Variants in BPIFC observed in about 807,000 individuals in gnomAD.
BPIFC encodes the protein BPI fold containing family C.
BPIFC carries 60 observed loss-of-function variants against 57.6 expected under a neutral mutation model. The observed-to-expected ratio is 1.04, with a 90% confidence interval of 0.85 to 1.29. The LOEUF is 1.29. Among genes scored for constraint, BPIFC ranks in the 50% most tolerant of loss-of-function variants. The pLI, the probability that BPIFC is intolerant of heterozygous loss-of-function variation, is 0.00. For synonymous variants in BPIFC, 243 were observed against 224.5 expected (o/e 1.08, Z -0.74); for missense variants, 581 against 600.5 (o/e 0.97, Z 0.34).
intron 13 of BPIFC, among the ~76,000 whole-genome samples, chr22:32,421,909 T>C (rs1013647898): frequency 6.6e-6 from 1 of 152,174 alleles, no homozygotes; most frequent in Non-Finnish European, 1.5e-5. Context: ...TAGGAAGGTT[T>C]CCAGGGGAGG....
At chr22:32,453,639 G>A (rs1357000559) in intron 3 of BPIFC, 136 bp from the exon 4 acceptor site, 2 of 1,141,458 alleles carry the variant, frequency 1.8e-6, no homozygotes, top group Non-Finnish European at 2.3e-6. Flanking sequence ...CACAAAGTGG[G>A]TATTATTGTC....
intron 15 of BPIFC, 63 bp from the exon 16 acceptor site, chr22:32,416,054 T>C: frequency 2.7e-6 from 3 of 1,108,552 alleles, no homozygotes; most frequent in Non-Finnish European, 3.8e-6. Flanking sequence ...GCAAGCTTTT[T>C]AGTAAGAGAC....
chr22:32,426,418 G>C (rs1299246822), intron 13 of BPIFC, among the ~76,000 whole-genome samples: 2 of 152,154 alleles, frequency 1.3e-5, no homozygotes, highest in Non-Finnish European at 2.9e-5. Context: ...CACAGCCTTG[G>C]CTCCTCTGCA....
intron 12 of BPIFC, among the ~76,000 whole-genome samples, chr22:32,431,665 T>A (rs1212279451): frequency 6.6e-6 from 1 of 152,090 alleles, no homozygotes; most frequent in African/African-American, 2.4e-5. Context: ...CTTCTTTATG[T>A]ATGTGTGTGT....
chr22:32,441,466 T>G (rs938141562), intron 8 of BPIFC, among the ~76,000 whole-genome samples: 1 of 152,172 alleles, frequency 6.6e-6, no homozygotes, highest in Middle Eastern at 3.2e-3. Flanking sequence ...CCAAGAACAG[T>G]GCTCAGGCTA....
chr22:32,435,713 GGA>G lies in BPIFC; in HGVS notation c.913_914del (p.Ser305HisfsTer71), dbSNP rs1359253888. On this transcript the variant is annotated frameshift_variant, in exon 10 of 17. Coordinates refer to ENST00000300399, the MANE Select transcript of BPIFC (RefSeq NM_174932.3). LOFTEE classifies it high-confidence loss of function. ...FTAGVFNVTL[S>X]TEEISNHFVQ... is the part of the protein sequence containing the mutation. ...AGTTAACTCTCCTCACCTCTTCGGT[GGA>G]GAGAGTGACATTGAAAACCCCAGCT... 1.9e-6 allele frequency: 3 copies of G among 1,613,762 alleles called. No homozygotes were observed. Among genetic ancestry groups the G allele is most frequent in the Non-Finnish European group, 2.5e-6 (3 of 1,179,856 alleles).
At chr22:32,450,093 TACACACACACACAC>T (rs59948938) in intron 4 of BPIFC, among the ~76,000 whole-genome samples, 18,940 of 145,534 alleles carry the variant, frequency 0.13, 1,612 homozygotes, top group Non-Finnish European at 0.19. Flanking sequence ...TCAAAGAGCA[TACACACACACACAC>T]ACACACACAC....
At chr22:32,461,832 A>G (rs1296048985) in intron 1 of BPIFC, among the ~76,000 whole-genome samples, 171 bp from the exon 2 acceptor site, 1 of 152,236 alleles carries the variant, frequency 6.6e-6, no homozygotes, top group East Asian at 1.9e-4. Context: ...AAAATTGTAA[A>G]TGGATGTGTT....
At chr22:32,428,854 G>A (rs1448917026) in intron 13 of BPIFC, among the ~76,000 whole-genome samples, 2 of 151,806 alleles carry the variant, frequency 1.3e-5, no homozygotes, top group Admixed American at 6.6e-5. Flanking sequence ...AGCCGAGATC[G>A]CACCCCTGCA....
chr22:32,434,957 C>T lies in BPIFC; in HGVS notation c.924+747G>A, dbSNP rs112267958. Among the ~76,000 whole-genome samples, 6 of 150,374 alleles carry T rather than the reference C, an allele frequency of 4.0e-5. 1 individual carries two copies. Among genetic ancestry groups the T allele is most frequent in the African/African-American group, 1.2e-4 (5 of 40,854 alleles). ...GTAGATAAACCAGCTGTAATTACAA[C>T]CAGGATAACTTTACGTCAGCATAAT... On this transcript the variant is annotated intron_variant, in intron 10 of 16. Transcript: ENST00000300399.
chr22:32,415,967 A>G lies in BPIFC; in HGVS notation c.1349T>C (p.Leu450Pro), dbSNP rs1030861095. ...ANAKLQQGFPLSNPHKFLFVN... is the reference protein window; with the variant it reads ...ANAKLQQGFPPSNPHKFLFVN... Reference sequence around the variant, plus strand: ...GAATAAGAATTTGTGTGGATTGGACAGAGGAAATCCTTGCTGCAATTTTGC... The same window carrying G: ...GAATAAGAATTTGTGTGGATTGGACGGAGGAAATCCTTGCTGCAATTTTGC... Residue 450 changes from leucine (L) to proline (P), a missense_variant, in exon 16 of 17, where the codon CTG (leucine) becomes CCG (proline). Transcript: ENST00000300399. The G allele has an allele frequency of 1.9e-6, 3 of 1,587,618 alleles. No homozygotes were observed. Among genetic ancestry groups the G allele is most frequent in the Non-Finnish European group, 2.6e-6 (3 of 1,169,630 alleles).
At chr22:32,462,756 A>T (rs1427884012) in intron 1 of BPIFC, among the ~76,000 whole-genome samples, 1 of 152,218 alleles carries the variant, frequency 6.6e-6, no homozygotes, top group Non-Finnish European at 1.5e-5. Context: ...ATGACTCGAT[A>T]CATGCTAGGG....
At chr22:32,422,313 A>G (rs1298070232) in intron 13 of BPIFC, among the ~76,000 whole-genome samples, 3 of 152,172 alleles carry the variant, frequency 2.0e-5, no homozygotes, top group Admixed American at 6.5e-5. Context: ...AGGGATGGAG[A>G]GAAGTCGTTT....
At chr22:32,424,820 C>A (rs1464517288) in intron 13 of BPIFC, among the ~76,000 whole-genome samples, 1 of 145,814 alleles carries the variant, frequency 6.9e-6, no homozygotes, top group African/African-American at 2.6e-5. Flanking sequence ...TTGCTCTTGT[C>A]GCCCAGGCTA....
In BPIFC at chr22:32,434,440, A is replaced by ATTAT. The variant is rs1050079307; in HGVS notation, c.925-672_925-669dup. Among the ~76,000 whole-genome samples, 135 of 149,206 alleles carry ATTAT rather than the reference A, an allele frequency of 9.0e-4. 2 individuals are homozygous for ATTAT. The highest frequency in any genetic ancestry group is 2.9e-3 in the African/African-American group (118 of 40,956). ...TATATATTACAATCTATGTATACAT[A>ATTAT]TTATTTATATATATTACATCTATGT... On this transcript the variant is annotated intron_variant, in intron 10 of 16. Transcript: ENST00000300399.
intron 8 of BPIFC, among the ~76,000 whole-genome samples, 169 bp from the exon 9 acceptor site, chr22:32,438,020 A>G (rs923130192): frequency 2.6e-5 from 4 of 152,238 alleles, no homozygotes; most frequent in Non-Finnish European, 5.9e-5. Context: ...GGAAAAGTAG[A>G]TAAATCAAAA....
chr22:32,457,521 TCATC>T lies in BPIFC; in HGVS notation c.1-139_1-136del, dbSNP rs879198542. Reference sequence around the variant, plus strand: ...CAATACATCCATCCAATCCATCCATTCATCCATCCATCCATCCATCCATCCAACC... The same window carrying T: ...CAATACATCCATCCAATCCATCCATTCATCCATCCATCCATCCATCCAACC... On this transcript the variant is annotated intron_variant, in intron 2 of 16. Transcript: ENST00000300399. The T allele has an allele frequency of 4.6e-4, 444 of 959,808 alleles. 3 individuals are homozygous for T. The highest frequency in any genetic ancestry group is 4.0e-3 in the Middle Eastern group (14 of 3,532). The allele number at this position is 959,808 out of a possible 1,614,324, so 59.5% of individuals were successfully genotyped here. A position where few individuals can be genotyped will look rare whatever the true frequency, so the allele number is the denominator to read the frequency against.
intron 13 of BPIFC, among the ~76,000 whole-genome samples, chr22:32,422,486 C>A (rs1256420383): frequency 6.6e-6 from 1 of 152,096 alleles, no homozygotes; most frequent in African/African-American, 2.4e-5. Context: ...ACGGGTGGAT[C>A]ACCTGAAGTC....
intron 11 of BPIFC, 103 bp downstream of exon 11, chr22:32,433,616 A>G (rs1934307453): frequency 1.0e-6 from 1 of 993,106 alleles, no homozygotes; most frequent in African/African-American, 1.6e-5. Context: ...AATAATAGAC[A>G]GAGGGACTTA....
Sources: gnomAD v4.1 joint callset for allele counts (sites outside exome capture counted in the v4.1 genomes callset) on GRCh38, gnomAD v4.1.1 for gene constraint, MANE v1.5 for transcripts, NCBI Gene and HGNC (gene_info 2026-07-23, HGNC 2026-07-21) for gene names.